PCDH15: variants seen among roughly 807,000 people sequenced by gnomAD.
PCDH15 encodes the protein protocadherin related 15.
PCDH15 carries 129 observed loss-of-function variants against 178.5 expected under a neutral mutation model. That is an observed-to-expected ratio of 0.72 (90% confidence interval 0.63 to 0.84). The LOEUF (loss-of-function observed/expected upper bound fraction) is 0.84. PCDH15 is among the 40% of genes least tolerant of loss of function. The pLI is 0.00. For missense variants in PCDH15, 2,230 were observed against 2,099.9 expected (o/e 1.06, Z -1.21); for synonymous variants, 800 against 732.0 (o/e 1.09, Z -1.50).
At chr10:54,149,638 T>G (rs1370083655) in intron 14 of PCDH15, among the ~76,000 whole-genome samples, 1 of 152,164 alleles carries the variant, frequency 6.6e-6, no homozygotes, top group Non-Finnish European at 1.5e-5. Context: ...TGAGCCCTTT[T>G]GAATTTATTT....
chr10:54,264,297 A>G (rs569607206), intron 8 of PCDH15, among the ~76,000 whole-genome samples: 5 of 152,264 alleles, frequency 3.3e-5, no homozygotes, highest in Admixed American at 3.3e-4. Context: ...ATTCAAAAAC[A>G]AAGTATCAAC....
At chr10:54,656,817 G>A (rs369000952) in intron 2 of PCDH15, among the ~76,000 whole-genome samples, 2 of 152,190 alleles carry the variant, frequency 1.3e-5, no homozygotes, top group Non-Finnish European at 2.9e-5. Context: ...ACTGAAGGGA[G>A]TGGCACCGGC....
At chr10:54,259,688 C>A (rs1204519708) in intron 8 of PCDH15, among the ~76,000 whole-genome samples, 1 of 152,088 alleles carries the variant, frequency 6.6e-6, no homozygotes, top group East Asian at 1.9e-4. Flanking sequence ...TGGATTAGTT[C>A]TCTGTGTGTT....
At chr10:53,836,055 G>A (rs2077288193) in intron 29 of PCDH15, among the ~76,000 whole-genome samples, 2 of 152,120 alleles carry the variant, frequency 1.3e-5, no homozygotes, top group African/African-American at 4.8e-5. Flanking sequence ...CATCCCTGGT[G>A]CTCAGGCAAA....
chr10:55,256,593 G>A (rs894852679), intron 1 of PCDH15, among the ~76,000 whole-genome samples: 22 of 152,300 alleles, frequency 1.4e-4, no homozygotes, highest in East Asian at 7.7e-4. Context: ...CACCTGGCTC[G>A]GAGGGTCCCA....
intron 2 of PCDH15, among the ~76,000 whole-genome samples, chr10:55,038,080 T>C (rs1299997769): frequency 6.6e-6 from 1 of 152,182 alleles, no homozygotes; most frequent in African/African-American, 2.4e-5. Flanking sequence ...TTACTTATGA[T>C]TTATTCTGAA....
At chr10:54,297,898 C>A (rs1331933216) in intron 8 of PCDH15, among the ~76,000 whole-genome samples, 1 of 152,148 alleles carries the variant, frequency 6.6e-6, no homozygotes, top group Non-Finnish European at 1.5e-5. Flanking sequence ...GCTTTAGCTG[C>A]AGCCTGAGAG....
rs183296651 is a variant in PCDH15 at position 55,516,202 on chromosome 10, C to G, written c.-156+111423G>C. On this transcript the variant is annotated intron_variant, in intron 2 of 5. Transcript: ENST00000613346. The stretch of plus-strand genomic sequence containing the variant: ...AATTGAATTGTGGACGGTTCCCCCC[C>G]ATACCGTTCTCATGACACTGAAAAA... Among the ~76,000 whole-genome samples, 390 of 152,150 alleles carry G rather than the reference C, an allele frequency of 2.6e-3. 4 individuals are homozygous for G. Among genetic ancestry groups the G allele is most frequent in the Non-Finnish European group, 3.9e-3 (268 of 68,004 alleles).
At chr10:54,679,196 A>G (rs2094852736) in intron 1 of PCDH15, among the ~76,000 whole-genome samples, 1 of 151,436 alleles carries the variant, frequency 6.6e-6, no homozygotes, top group Non-Finnish European at 1.5e-5. Flanking sequence ...TCTCAAAAAA[A>G]AAAAAAAAAA....
rs138339661 is a variant in PCDH15, at chr10:55,540,584, G to A, written c.-156+87041C>T. 2.3e-3 allele frequency among the ~76,000 whole-genome samples: 357 copies of A among 152,118 alleles called. 1 individual carries two copies. The highest frequency in any genetic ancestry group is 8.1e-3 in the African/African-American group (338 of 41,536). ...AATGAGAATAAAGGGATCTTAAGAAGTAAATTCTAGGCTTATGCAAAAAAA... is the reference window on the plus strand; with the variant it reads ...AATGAGAATAAAGGGATCTTAAGAAATAAATTCTAGGCTTATGCAAAAAAA... On this transcript the variant is annotated intron_variant, in intron 2 of 5. Transcript: ENST00000613346.
chr10:53,927,016 CA>C (rs2084618561), intron 25 of PCDH15, among the ~76,000 whole-genome samples: 1 of 152,034 alleles, frequency 6.6e-6, no homozygotes, highest in Non-Finnish European at 1.5e-5. Context: ...AATAATGTTT[CA>C]GGGGCCATGT....
Position 55,120,541 on chromosome 10 carries a change from G to A in PCDH15, c.-80+46035C>T, listed in dbSNP as rs540673291. The stretch of plus-strand genomic sequence containing the variant: ...TTGGAGAATAAATAGAAGAGATCCC[G>A]GAAATGTAATTAAGAAAGAGTGAAC... On this transcript the variant is annotated intron_variant, in intron 2 of 5. Transcript: ENST00000458638. Among the ~76,000 whole-genome samples the A allele has an allele frequency of 1.6e-4, 25 of 152,130 alleles. 1 individual carries two copies. Among genetic ancestry groups the A allele is most frequent in the East Asian group, 1.6e-3 (8 of 5,160 alleles).
intron 1 of PCDH15, among the ~76,000 whole-genome samples, chr10:55,287,891 C>A (rs985179175): frequency 1.7e-4 from 26 of 151,908 alleles, no homozygotes; most frequent in African/African-American, 6.3e-4. Context: ...TATTATTAAT[C>A]TTTAAACAAC....
chr10:55,458,773 A>C (rs191431167), intron 2 of PCDH15, among the ~76,000 whole-genome samples: 37 of 152,178 alleles, frequency 2.4e-4, no homozygotes, highest in African/African-American at 8.2e-4. Flanking sequence ...AAAATTCTTC[A>C]TTCATTAATC....
intron 20 of PCDH15, among the ~76,000 whole-genome samples, chr10:54,011,209 G>A (rs1188344251): frequency 6.6e-6 from 1 of 152,144 alleles, no homozygotes; most frequent in Non-Finnish European, 1.5e-5. Context: ...CACTGCTGCT[G>A]CAGTGATATT....
At chr10:55,564,680 A>G (rs979695466) in intron 2 of PCDH15, among the ~76,000 whole-genome samples, 2 of 151,638 alleles carry the variant, frequency 1.3e-5, no homozygotes, top group African/African-American at 2.4e-5. Context: ...CGCTCCATGT[A>G]AACAGTAACC....
chr10:55,351,932 T>C (rs1844946999), intron 2 of PCDH15, among the ~76,000 whole-genome samples: 1 of 152,118 alleles, frequency 6.6e-6, no homozygotes, highest in African/African-American at 2.4e-5. Flanking sequence ...ACAAGTACAA[T>C]AATACTAATA....
intron 1 of PCDH15, among the ~76,000 whole-genome samples, chr10:54,699,655 A>C (rs768637090): frequency 6.5e-4 from 99 of 152,180 alleles, no homozygotes; most frequent in Middle Eastern, 3.4e-3. Context: ...CAAAAATGGT[A>C]ATATAATTTT....
chr10:55,024,160 G>A (rs1439651660), intron 2 of PCDH15, among the ~76,000 whole-genome samples: 3 of 146,326 alleles, frequency 2.1e-5, no homozygotes, highest in Non-Finnish European at 3.0e-5. Context: ...TATATAGAGA[G>A]AGGAAGGAAT....
Sources: gnomAD v4.1 joint callset for allele counts (sites outside exome capture counted in the v4.1 genomes callset) on GRCh38, gnomAD v4.1.1 for gene constraint, MANE v1.5 for transcripts, NCBI Gene and HGNC (gene_info 2026-07-23, HGNC 2026-07-21) for gene names.